Variants in TAL1 observed in about 807,000 individuals in gnomAD.
TAL1 encodes the protein T-cell acute lymphocytic leukemia protein 1.
A neutral mutation model predicts 17.9 loss-of-function variants in TAL1; 8 were observed. That is an observed-to-expected ratio of 0.45 (90% confidence interval 0.26 to 0.81). The LOEUF (loss-of-function observed/expected upper bound fraction) is 0.81, where lower values mean the gene tolerates loss of function less well. Ranked by LOEUF, TAL1 falls within the 30% of genes least tolerant of loss-of-function variation. The pLI, the probability that TAL1 is intolerant of heterozygous loss-of-function variation, is 0.17. For missense variants in TAL1, 466 were observed against 486.9 expected (o/e 0.96, Z 0.40); for synonymous variants, 223 against 218.6 (o/e 1.02, Z -0.18).
intron 1 of TAL1, chr1:47,228,696 A>G: frequency 6.0e-6 from 1 of 167,514 alleles, no homozygotes; most frequent in Non-Finnish European, 1.3e-5. Flanking sequence ...AGAAGCCCCA[A>G]GCCTGCACAA....
At chr1:47,230,875 G>C (rs2148597677), upstream of TAL1, 1 of 152,312 alleles carries the variant, frequency 6.6e-6, no homozygotes, top group South Asian at 2.1e-4. Context: ...TCTCGGATGC[G>C]ACGGGTATCA....
chr1:47,229,669 G>C (rs1332349603), exon 1 of TAL1: 1 of 153,078 alleles, frequency 6.5e-6, no homozygotes, highest in Non-Finnish European at 1.5e-5. Flanking sequence ...AACTGGGATC[G>C]GTCTGGTTCA....
At chr1:47,225,969 G>T in intron 1 of TAL1, 80 bp from the exon 3 acceptor site, 1 of 1,396,070 alleles carries the variant, frequency 7.2e-7, no homozygotes, top group Non-Finnish European at 9.5e-7. Context: ...GGGTAAAGGG[G>T]AGAAGGGCAG....
At chr1:47,216,485 A>C (rs894134588) in exon 4 of TAL1, 1 of 230,238 alleles carries the variant, frequency 4.3e-6, no homozygotes, top group African/African-American at 2.2e-5. Context: ...GCAATTCATC[A>C]CATACAGTAC....
intron 3 of TAL1, among the ~76,000 whole-genome samples, chr1:47,222,355 T>A (rs1367989434): frequency 6.6e-6 from 1 of 152,196 alleles, no homozygotes; most frequent in East Asian, 1.9e-4. Flanking sequence ...TTGATCAAGC[T>A]GGGTAACCTC....
exon 4 of TAL1, chr1:47,219,583 A>G (rs768821072): frequency 1.4e-6 from 2 of 1,401,892 alleles, no homozygotes; most frequent in South Asian, 1.2e-5. Context: ...AAGGCTTCCC[A>G]AAGTTCAGAC....
At chr1:47,217,548 C>T (rs578214555) in exon 4 of TAL1, 3 of 398,658 alleles carry the variant, frequency 7.5e-6, no homozygotes, top group African/African-American at 4.1e-5. Flanking sequence ...CGAAACCCCA[C>T]TGCAGGATTG....
intron 2 of TAL1, among the ~76,000 whole-genome samples, chr1:47,224,446 C>T (rs984961639): frequency 1.3e-5 from 2 of 151,896 alleles, no homozygotes; most frequent in African/African-American, 4.8e-5. Context: ...GATAGAAACA[C>T]TCTCCATTCT....
upstream of TAL1, chr1:47,230,234 C>G (rs959594861): frequency 6.6e-6 from 1 of 152,096 alleles, no homozygotes; most frequent in Non-Finnish European, 1.5e-5. Context: ...GAGGTAAAAA[C>G]AAACCCGACA....
At chr1:47,231,606 AACG>A (rs1182550181), upstream of TAL1, 9 of 233,684 alleles carry the variant, frequency 3.9e-5, no homozygotes, top group Admixed American at 1.7e-4. Context: ...CGCCCGACAT[AACG>A]ACGACACCAC....
chr1:47,216,325 G>A lies in TAL1; in HGVS notation c.*3395C>T, dbSNP rs140529859. On this transcript the variant is annotated 3_prime_UTR_variant, in exon 4 of 4. Transcript: ENST00000294339. ...AAAACTTTTATTTAGAAATCTTCCC[G>A]ATACATCCTCACATATATATACACA... The A allele has an allele frequency of 3.2e-4, 69 of 214,408 alleles. No homozygotes were observed. In the East Asian group the frequency reaches 3.9e-3, roughly 12 times the overall value. The allele number at this position is 214,408 out of a possible 1,614,324, so 13.3% of individuals were successfully genotyped here.
chr1:47,225,833 C>A, exon 2 of TAL1: 1 of 1,583,538 alleles, frequency 6.3e-7, no homozygotes, highest in Non-Finnish European at 8.5e-7. Flanking sequence ...GGCCGCGTCC[C>A]GTCCCTCTAG....
intron 2 of TAL1, 59 bp from the exon 4 acceptor site, chr1:47,224,157 T>G: frequency 6.4e-7 from 1 of 1,554,128 alleles, no homozygotes; most frequent in Non-Finnish European, 8.9e-7. Flanking sequence ...GAGAAAGAGC[T>G]TCCTTAGGGA....
chr1:47,225,698 G>C, exon 2 of TAL1: 1 of 1,440,196 alleles, frequency 6.9e-7, no homozygotes, highest in Non-Finnish European at 9.0e-7. Flanking sequence ...CCCACCGGCA[G>C]GGCCGCCCCC....
chr1:47,230,968 C>T (rs1268175773), upstream of TAL1: 1 of 152,312 alleles, frequency 6.6e-6, no homozygotes, highest in Non-Finnish European at 1.5e-5. Flanking sequence ...CCACCCGAGG[C>T]TCGAGGCCTG....
At chr1:47,228,948 G>A (rs1643957533) in intron 1 of TAL1, 1 of 163,840 alleles carries the variant, frequency 6.1e-6, no homozygotes, top group Admixed American at 6.4e-5. Flanking sequence ...GGACCAATGG[G>A]AAAGGCCTGG....
exon 3 of TAL1, chr1:47,224,054 T>C: frequency 6.2e-7 from 1 of 1,613,856 alleles, no homozygotes; most frequent in Non-Finnish European, 8.5e-7. Context: ...CACTCGATTG[T>C]TGGTGGTGAA....
At chr1:47,228,483 A>G in intron 1 of TAL1, 1 of 192,328 alleles carries the variant, frequency 5.2e-6, no homozygotes, top group Non-Finnish European at 1.1e-5. Flanking sequence ...CCAACAGGAA[A>G]TCCTCATCTG....
intron 1 of TAL1, chr1:47,228,211 C>G (rs938115857): frequency 1.2e-5 from 2 of 169,512 alleles, no homozygotes; most frequent in South Asian, 2.0e-4. Context: ...CGGCTCCTCC[C>G]CACATTTTAG....
Sources: allele counts gnomAD v4.1 joint callset (sites outside exome capture counted in the v4.1 genomes callset), GRCh38; gene constraint gnomAD v4.1.1; transcripts MANE v1.5; gene names NCBI Gene and HGNC (gene_info 2026-07-23, HGNC 2026-07-21).